The following CDH13 variants were observed in gnomAD, a reference collection of about 807,000 sequenced individuals.
The protein encoded by CDH13 is cadherin-13.
Under a neutral mutation model 63.8 loss-of-function variants are expected in CDH13, and 24 were observed. The observed-to-expected ratio is 0.38, with a 90% CI of 0.27 to 0.53. CDH13 has a LOEUF of 0.53. CDH13 is among the 20% of genes least tolerant of loss of function. CDH13 has a pLI of 0.85. For missense variants in CDH13, 1,049 were observed against 903.1 expected, an observed-to-expected ratio of 1.16 and a Z score of -2.07; for synonymous variants, 503 against 355.3, an observed-to-expected ratio of 1.42 and a Z score of -4.67.
chr16:83,101,098 G>C (rs1439625548), intron 3 of CDH13, among the ~76,000 whole-genome samples: 1 of 151,938 alleles, frequency 6.6e-6, no homozygotes, highest in Non-Finnish European at 1.5e-5. Flanking sequence ...CTAGGCACAG[G>C]GGTACAGCTG....
chr16:82,944,937 G>A (rs771324093), intron 2 of CDH13, among the ~76,000 whole-genome samples: 10 of 151,912 alleles, frequency 6.6e-5, no homozygotes, highest in Admixed American at 2.6e-4. Flanking sequence ...AAATACACAG[G>A]GGGAAATACA....
intron 3 of CDH13, among the ~76,000 whole-genome samples, chr16:83,094,247 C>T (rs1223063185): frequency 6.6e-6 from 1 of 152,142 alleles, no homozygotes; most frequent in South Asian, 2.1e-4. Context: ...ACTTGTGACC[C>T]CTGCTTTGCC....
intron 5 of CDH13, among the ~76,000 whole-genome samples, chr16:83,340,305 A>AGTGTGTGTGTGT (rs147527566): frequency 1.1e-4 from 16 of 150,388 alleles, no homozygotes; most frequent in Admixed American, 3.3e-4. Context: ...CCTACATCTG[A>AGTGTGTGTGTGT]GTGTGTGTGT....
intron 4 of CDH13, among the ~76,000 whole-genome samples, chr16:83,180,187 A>T (rs547928296): frequency 3.2e-4 from 48 of 152,212 alleles, no homozygotes; most frequent in African/African-American, 1.1e-3. Flanking sequence ...TTATTAGGAA[A>T]ACATTCTCTT....
At chr16:83,461,236 A>G (rs2073174356) in intron 6 of CDH13, among the ~76,000 whole-genome samples, 3 of 152,162 alleles carry the variant, frequency 2.0e-5, no homozygotes, top group African/African-American at 7.2e-5. Context: ...ATATGTACAT[A>G]TTCCTATTTA....
intron 1 of CDH13, among the ~76,000 whole-genome samples, chr16:82,702,504 G>T (rs2031122260): frequency 6.6e-6 from 1 of 152,088 alleles, no homozygotes; most frequent in Non-Finnish European, 1.5e-5. Flanking sequence ...ATTGATTCTG[G>T]ACTTGCCATT....
At chr16:83,099,173 C>CAT (rs1249100676) in intron 3 of CDH13, among the ~76,000 whole-genome samples, 2 of 152,030 alleles carry the variant, frequency 1.3e-5, no homozygotes, top group Non-Finnish European at 2.9e-5. Flanking sequence ...TAATATGTTG[C>CAT]ATATATTAGA....
intron 10 of CDH13, chr16:83,735,518 T>A (rs929556170): frequency 2.0e-5 from 3 of 152,244 alleles, no homozygotes; most frequent in Non-Finnish European, 4.4e-5. Flanking sequence ...ATAGAAACTT[T>A]GATCAACATC....
chr16:83,005,733 A>G (rs1913423722), intron 2 of CDH13, among the ~76,000 whole-genome samples: 1 of 152,224 alleles, frequency 6.6e-6, no homozygotes, highest in Admixed American at 6.5e-5. Flanking sequence ...CAAGAGAGCT[A>G]GGCTTTTTGT....
chr16:83,038,729 G>A (rs560779465), intron 3 of CDH13, among the ~76,000 whole-genome samples: 12 of 152,280 alleles, frequency 7.9e-5, no homozygotes, highest in Middle Eastern at 3.4e-3. Flanking sequence ...TCCATGCTTC[G>A]TTCCTCACGC....
chr16:83,489,133 C>G (rs1226722256), intron 7 of CDH13, among the ~76,000 whole-genome samples: 1 of 152,148 alleles, frequency 6.6e-6, no homozygotes, highest in Non-Finnish European at 1.5e-5. Flanking sequence ...TTCAGCTTCT[C>G]TTTGTTCTGA....
intron 3 of CDH13, among the ~76,000 whole-genome samples, chr16:83,081,318 A>G (rs2033236593): frequency 6.6e-6 from 1 of 152,184 alleles, no homozygotes; most frequent in Non-Finnish European, 1.5e-5. Context: ...GACATGGTCT[A>G]TATTTCAGAG....
chr16:82,790,180 TA>T (rs2036229074), intron 1 of CDH13, among the ~76,000 whole-genome samples: 1 of 152,142 alleles, frequency 6.6e-6, no homozygotes, highest in South Asian at 2.1e-4. Context: ...CTCATACCTA[TA>T]ATCCCAGCCC....
At chr16:82,740,044 A>C (rs1261486821) in intron 1 of CDH13, among the ~76,000 whole-genome samples, 1 of 152,200 alleles carries the variant, frequency 6.6e-6, no homozygotes, top group Non-Finnish European at 1.5e-5. Flanking sequence ...CTTTATCTTA[A>C]TGAGCAGAAT....
intron 8 of CDH13, chr16:83,654,923 C>T (rs898402297): frequency 1.3e-5 from 2 of 152,318 alleles, no homozygotes; most frequent in Admixed American, 6.5e-5. Context: ...CTCCCTGGGG[C>T]ACGTGTTCTC....
chr16:83,260,540 C>T (rs896955639), intron 5 of CDH13, among the ~76,000 whole-genome samples: 3 of 152,308 alleles, frequency 2.0e-5, no homozygotes, highest in Admixed American at 2.0e-4. Context: ...GCTGGAGCAA[C>T]TCTGTGCATC....
intron 8 of CDH13, among the ~76,000 whole-genome samples, chr16:83,646,361 A>G (rs1226400043): frequency 1.3e-5 from 2 of 152,136 alleles, no homozygotes; most frequent in African/African-American, 4.8e-5. Context: ...TTCCACTAAT[A>G]AGCTTTCTGT....
At chr16:83,493,370 G>A (rs185209784) in intron 7 of CDH13, among the ~76,000 whole-genome samples, 2 of 152,230 alleles carry the variant, frequency 1.3e-5, no homozygotes, top group African/African-American at 2.4e-5. Flanking sequence ...AGCAATAAAA[G>A]CTAGTAAATA....
chr16:83,539,547 A>C (rs1049047297), intron 7 of CDH13, among the ~76,000 whole-genome samples: 2 of 152,238 alleles, frequency 1.3e-5, no homozygotes, highest in Non-Finnish European at 2.9e-5. Flanking sequence ...ACATTGAAAG[A>C]GGGAAAATCT....
Sources: gnomAD v4.1 joint callset for allele counts (sites outside exome capture counted in the v4.1 genomes callset) on GRCh38, gnomAD v4.1.1 for gene constraint, MANE v1.5 for transcripts, NCBI Gene and HGNC (gene_info 2026-07-23, HGNC 2026-07-21) for gene names.